The following PRKCZ variants were observed in gnomAD, a reference collection of about 807,000 sequenced individuals.
PRKCZ encodes protein kinase C zeta, also known as protein kinase C zeta type.
PRKCZ carries 33 observed loss-of-function variants against 79.5 expected under a neutral mutation model. The ratio of observed to expected loss-of-function variants is 0.41; its 90% confidence interval spans 0.31 to 0.55. The LOEUF is 0.55. Ranked by LOEUF, PRKCZ falls within the 20% of genes least tolerant of loss-of-function variation. PRKCZ has a pLI of 0.19. For synonymous variants in PRKCZ, 342 were observed against 320.9 expected (o/e 1.07, Z -0.70); for missense variants, 578 against 813.5 (o/e 0.71, Z 3.52).
At chr1:2,057,434 A>G (rs924965820) in intron 3 of PRKCZ, among the ~76,000 whole-genome samples, 3 of 152,218 alleles carry the variant, frequency 2.0e-5, no homozygotes, top group Admixed American at 6.5e-5. Flanking sequence ...GCGTCTGGCC[A>G]TGGACGATTG....
chr1:2,111,348 G>A (rs531780270), intron 4 of PRKCZ, among the ~76,000 whole-genome samples: 35 of 152,136 alleles, frequency 2.3e-4, no homozygotes, highest in African/African-American at 7.5e-4. Context: ...ACAGGGACAG[G>A]CGGGGTGGGG....
At chr1:2,107,703 A>G (rs761410755) in intron 4 of PRKCZ, among the ~76,000 whole-genome samples, 1 of 151,574 alleles carries the variant, frequency 6.6e-6, no homozygotes, top group Non-Finnish European at 1.5e-5. Context: ...AATCCCCTCT[A>G]CCCGGGCTGT....
chr1:2,057,663 C>G (rs905053307), intron 3 of PRKCZ, among the ~76,000 whole-genome samples: 42 of 152,186 alleles, frequency 2.8e-4, no homozygotes, highest in African/African-American at 9.1e-4. Context: ...CCTAGGAGTT[C>G]AAGACCAACC....
Position 2,150,824 on chromosome 1 carries a change from T to A in PRKCZ, c.722T>A (p.Ile241Asn). 6.2e-7 allele frequency: 1 copy of A among 1,614,174 alleles called. No homozygotes were observed. Among genetic ancestry groups the A allele is most frequent in the Non-Finnish European group, 8.5e-7 (1 of 1,180,020 alleles). ...CCAGTTATCGATGGGATGGATGGAATCAAAATCTCTCAGGGGCTTGGGCTG... is the reference window on the plus strand; with the variant it reads ...CCAGTTATCGATGGGATGGATGGAAACAAAATCTCTCAGGGGCTTGGGCTG... ...LKPVIDGMDG[I>N]KISQGLGLQD... Residue 241 changes from isoleucine to asparagine, a missense_variant, in exon 9 of 18, where the codon ATC (isoleucine) becomes AAC (asparagine). Transcript: ENST00000378567.
At chr1:2,087,057 A>G (rs1241838615) in intron 4 of PRKCZ, among the ~76,000 whole-genome samples, 1 of 151,902 alleles carries the variant, frequency 6.6e-6, no homozygotes, top group East Asian at 1.9e-4. Context: ...TTCTGTTTGC[A>G]TTTGATTTTA....
At chr1:2,068,544 C>T (rs1165367665) in intron 4 of PRKCZ, among the ~76,000 whole-genome samples, 2 of 152,234 alleles carry the variant, frequency 1.3e-5, no homozygotes, top group Non-Finnish European at 2.9e-5. Context: ...AGGACATTCA[C>T]CTTGAGACCT....
At chr1:2,145,743 A>G (rs1009229635) in intron 6 of PRKCZ, among the ~76,000 whole-genome samples, 1 of 152,058 alleles carries the variant, frequency 6.6e-6, no homozygotes, top group Non-Finnish European at 1.5e-5. Flanking sequence ...GTGAGACCCC[A>G]TCTCTACAAA....
chr1:2,149,582 T>C lies in PRKCZ; in HGVS notation c.687+658T>C, dbSNP rs1679416970. ...GCACTTAGAAAGCAGAATCTGAGGC[T>C]GAGCACGGCGACTCACACCTCCAAT... On this transcript the variant is annotated intron_variant, in intron 8 of 17. Transcript: ENST00000378567. This position sits in a 1 kb window ranked among gnomAD's most constrained non-coding sequence, Gnocchi z 4.1. Among the ~76,000 whole-genome samples, 1 of 152,200 alleles carries C rather than the reference T, an allele frequency of 6.6e-6. No individual in the cohort carries two copies. Among genetic ancestry groups the C allele is most frequent in the East Asian group, 1.9e-4 (1 of 5,194 alleles).
intron 4 of PRKCZ, among the ~76,000 whole-genome samples, chr1:2,114,192 G>A (rs1670298327): frequency 1.3e-5 from 2 of 149,404 alleles, no homozygotes; most frequent in South Asian, 2.1e-4. Context: ...CTGGGAGGAC[G>A]TGGAAGGAGG....
chr1:2,137,974 C>T (rs939429723), intron 5 of PRKCZ, among the ~76,000 whole-genome samples: 1 of 152,232 alleles, frequency 6.6e-6, no homozygotes, highest in African/African-American at 2.4e-5. Flanking sequence ...AGGGCGGCTG[C>T]CCTGCAGTTC....
intron 4 of PRKCZ, among the ~76,000 whole-genome samples, chr1:2,089,294 C>G (rs779078301): frequency 2.0e-5 from 3 of 152,058 alleles, no homozygotes; most frequent in African/African-American, 7.2e-5. Context: ...GTGGGGGTGA[C>G]GGTGTGAGCA....
intron 16 of PRKCZ, 74 bp from the exon 17 acceptor site, chr1:2,184,509 G>C: frequency 9.5e-7 from 1 of 1,055,796 alleles, no homozygotes; most frequent in Non-Finnish European, 1.4e-6. Context: ...TGTGATTGAA[G>C]TGCGTGCAAA....
chr1:2,130,934 G>T lies in PRKCZ; in HGVS notation c.335-4328G>T, dbSNP rs114760461. ...TCAGTCTCCACACAGCAGTACTCCCGCCTGACACACTCGGTCTCCACACAC... is the reference window on the plus strand; with the variant it reads ...TCAGTCTCCACACAGCAGTACTCCCTCCTGACACACTCGGTCTCCACACAC... On this transcript the variant is annotated intron_variant, in intron 4 of 17. Transcript: ENST00000378567. 8.1e-3 allele frequency among the ~76,000 whole-genome samples: 1,226 copies of T among 151,780 alleles called. 10 individuals are homozygous for T. The highest frequency in any genetic ancestry group is 0.021 in the South Asian group (103 of 4,800).
chr1:2,073,578 G>C (rs1471751743), intron 4 of PRKCZ: 11 of 975,654 alleles, frequency 1.1e-5, no homozygotes, highest in Non-Finnish European at 1.3e-5. Flanking sequence ...CCCGCTCTCT[G>C]GACTGTGCTG....
chr1:2,129,648 G>T (rs1012017763), intron 4 of PRKCZ, among the ~76,000 whole-genome samples: 11 of 152,204 alleles, frequency 7.2e-5, no homozygotes, highest in African/African-American at 1.7e-4. Flanking sequence ...AGGCAGGGGG[G>T]GTCTCTGGGA....
At chr1:2,051,191 G>A (rs1399190660) in intron 1 of PRKCZ, among the ~76,000 whole-genome samples, 1 of 152,154 alleles carries the variant, frequency 6.6e-6, no homozygotes, top group African/African-American at 2.4e-5. Context: ...CGGGGCGGTC[G>A]GGCGGGGACA....
intron 4 of PRKCZ, among the ~76,000 whole-genome samples, chr1:2,093,394 G>T (rs1357408296): frequency 6.6e-6 from 1 of 152,148 alleles, no homozygotes; most frequent in Non-Finnish European, 1.5e-5. Context: ...GTGGAGTGGG[G>T]TGCTTGCCTT....
At chr1:2,105,153 G>A (rs983504879) in intron 4 of PRKCZ, among the ~76,000 whole-genome samples, 2 of 152,160 alleles carry the variant, frequency 1.3e-5, no homozygotes, top group African/African-American at 2.4e-5. Flanking sequence ...AAGTCACTGC[G>A]TCACGGCCAT....
rs1571235946 is a variant in PRKCZ, at chr1:2,082,590, T to C, written c.334+22999T>C. The C allele has an allele frequency of 2.7e-6, 1 of 375,364 alleles. No individual in the cohort carries two copies. The highest frequency in any genetic ancestry group is 7.5e-5 in the East Asian group (1 of 13,340). 23.3% of individuals were successfully genotyped at this position (375,364 alleles called of 1,614,324 possible). On this transcript the variant is annotated intron_variant, in intron 4 of 17. Transcript: ENST00000378567. The surrounding 1 kb of genome is among the most constrained non-coding windows in gnomAD (Gnocchi z 4.4). The stretch of plus-strand genomic sequence containing the variant: ...ACTCAGTCGATTTCCCTGGTGTAAA[T>C]GCTCCCACCACGGCCGATTTCAGGC...
Sources: gnomAD v4.1 joint callset for allele counts (sites outside exome capture counted in the v4.1 genomes callset) on GRCh38, gnomAD v4.1.1 for gene constraint, Gnocchi (gnomAD v3.1) non-coding constraint, MANE v1.5 for transcripts, NCBI Gene and HGNC (gene_info 2026-07-23, HGNC 2026-07-21) for gene names.